DAB1: variants seen among roughly 807,000 people sequenced by gnomAD.
DAB1 encodes DAB adaptor protein 1.
Under a neutral mutation model 64.6 loss-of-function variants are expected in DAB1, and 15 were observed. The observed-to-expected ratio is 0.23, with a 90% CI of 0.16 to 0.36. The LOEUF is 0.36. DAB1 is among the 10% of genes least tolerant of loss of function. The pLI is 1.00. For synonymous variants in DAB1, 235 were observed against 251.9 expected, an observed-to-expected ratio of 0.93 and a Z score of 0.64; for missense variants, 596 against 706.7, an observed-to-expected ratio of 0.84 and a Z score of 1.78.
intron 7 of DAB1, among the ~76,000 whole-genome samples, chr1:57,570,169 A>G (rs1645177638): frequency 6.6e-6 from 1 of 152,174 alleles, no homozygotes; most frequent in Admixed American, 6.5e-5. Flanking sequence ...CAATCTAATC[A>G]GCTGCCAGCG....
At chr1:57,294,512 C>T (rs1370193005) in intron 1 of DAB1, among the ~76,000 whole-genome samples, 2 of 151,666 alleles carry the variant, frequency 1.3e-5, no homozygotes, top group African/African-American at 2.4e-5. Context: ...TACAACAGAA[C>T]AAACACACAC....
At chr1:57,125,820 A>G (rs1057335516) in intron 4 of DAB1, among the ~76,000 whole-genome samples, 5 of 152,140 alleles carry the variant, frequency 3.3e-5, no homozygotes, top group African/African-American at 1.2e-4. Flanking sequence ...TGGAGATGCC[A>G]TTTTCTGTCT....
intron 7 of DAB1, among the ~76,000 whole-genome samples, chr1:57,588,336 A>G (rs1047367498): frequency 9.9e-5 from 15 of 152,246 alleles, no homozygotes; most frequent in African/African-American, 3.6e-4. Context: ...TTCTGTTCTC[A>G]GCACTGATAA....
chr1:58,255,118 T>C (rs1476411920), intron 4 of DAB1, among the ~76,000 whole-genome samples: 3 of 133,616 alleles, frequency 2.2e-5, no homozygotes, highest in Admixed American at 7.9e-5. Flanking sequence ...TGATATCTCA[T>C]AGTGGTTTTG....
rs533039247 is a variant in DAB1 at position 57,853,655 on chromosome 1, A to G, written n.88-27200T>C. The stretch of plus-strand genomic sequence containing the variant: ...ATGGATCAATTTTGTCTCAATATGA[A>G]ACATTTCTTAAAGTTCCAAATTGTC... On this transcript the variant is annotated intron_variant and non_coding_transcript_variant, in intron 1 of 1. Transcript: ENST00000477280. 2.6e-5 allele frequency among the ~76,000 whole-genome samples: 4 copies of G among 152,346 alleles called. No homozygotes were observed. The South Asian group carries it at 8.3e-4, about 32-fold the overall frequency.
At chr1:57,836,844 T>C (rs1385509625) in intron 1 of DAB1, among the ~76,000 whole-genome samples, 1 of 152,226 alleles carries the variant, frequency 6.6e-6, no homozygotes, top group East Asian at 1.9e-4. Flanking sequence ...CCCTGATCTG[T>C]GGCATACAGT....
At chr1:57,696,810 A>G (rs1215254317) in intron 6 of DAB1, among the ~76,000 whole-genome samples, 1 of 152,072 alleles carries the variant, frequency 6.6e-6, no homozygotes, top group African/African-American at 2.4e-5. Flanking sequence ...TTCCTTTCAT[A>G]TCATCCTGGA....
chr1:58,080,280 A>T (rs966631332), intron 5 of DAB1: 1 of 152,174 alleles, frequency 6.6e-6, no homozygotes, highest in African/African-American at 2.4e-5. Context: ...CTTAATCAAG[A>T]TTCTGAGAGT....
At chr1:57,006,385 G>A (rs941976315) in intron 14 of DAB1, among the ~76,000 whole-genome samples, 3 of 152,212 alleles carry the variant, frequency 2.0e-5, no homozygotes, top group African/African-American at 7.2e-5. Flanking sequence ...TTAGCACAGT[G>A]ACTGGCACCA....
intron 7 of DAB1, among the ~76,000 whole-genome samples, chr1:57,553,507 A>AGGAAGGAG (rs1644951683): frequency 1.4e-5 from 2 of 147,434 alleles, no homozygotes; most frequent in African/African-American, 5.0e-5. Flanking sequence ...GAAGGAAGGA[A>AGGAAGGAG]GAGAGAGAGA....
chr1:58,229,684 G>C (rs1190297616), intron 4 of DAB1, among the ~76,000 whole-genome samples: 1 of 152,128 alleles, frequency 6.6e-6, no homozygotes, highest in African/African-American at 2.4e-5. Flanking sequence ...GGGGTCATGG[G>C]GGGCATTTGA....
At chr1:57,754,240 A>T (rs1402696002) in intron 6 of DAB1, among the ~76,000 whole-genome samples, 1 of 152,232 alleles carries the variant, frequency 6.6e-6, no homozygotes, top group East Asian at 1.9e-4. Flanking sequence ...TGGGCATTAT[A>T]TGCCTGGCCC....
In DAB1 at chr1:57,912,395, C is replaced by T. The variant is rs113959835; in HGVS notation, n.388-28233G>A. Among the ~76,000 whole-genome samples the T allele has an allele frequency of 2.3e-3, 344 of 152,232 alleles. 4 individuals are homozygous for T. Among genetic ancestry groups the T allele is most frequent in the African/African-American group, 7.9e-3 (330 of 41,528 alleles). On this transcript the variant is annotated intron_variant and non_coding_transcript_variant, in intron 5 of 20. Transcript: ENST00000485760. ...GGTGCTCAAAAATGTCTGTTGAGCC[C>T]TTCATGCTAAAAACTCTCAATAAAT...
At chr1:57,224,875 C>T (rs1352868027) in intron 2 of DAB1, among the ~76,000 whole-genome samples, 1 of 152,194 alleles carries the variant, frequency 6.6e-6, no homozygotes, top group African/African-American at 2.4e-5. Flanking sequence ...GCCAGGCCCC[C>T]AGACCTCTGA....
chr1:57,245,674 T>C (rs995406130), intron 2 of DAB1, among the ~76,000 whole-genome samples: 5 of 152,354 alleles, frequency 3.3e-5, no homozygotes, highest in Middle Eastern at 3.4e-3. Flanking sequence ...CTTAATCCAG[T>C]CTATCATTGT....
chr1:57,362,835 A>G (rs1413263078), intron 1 of DAB1, among the ~76,000 whole-genome samples: 1 of 152,144 alleles, frequency 6.6e-6, no homozygotes, highest in African/African-American at 2.4e-5. Context: ...AAACACACAC[A>G]TGCATGCACT....
At chr1:57,523,758 C>A (rs1344998758) in intron 7 of DAB1, among the ~76,000 whole-genome samples, 3 of 151,854 alleles carry the variant, frequency 2.0e-5, no homozygotes, top group Non-Finnish European at 2.9e-5. Context: ...CTCATCTCTA[C>A]CAAAAATACA....
intron 1 of DAB1, among the ~76,000 whole-genome samples, chr1:57,411,602 C>T (rs1488211856): frequency 1.3e-5 from 2 of 152,216 alleles, no homozygotes; most frequent in African/African-American, 4.8e-5. Flanking sequence ...CTTCTCTCTC[C>T]ATAGGAAACC....
At chr1:57,405,589 C>T (rs528653875) in intron 1 of DAB1, among the ~76,000 whole-genome samples, 12 of 152,304 alleles carry the variant, frequency 7.9e-5, no homozygotes, top group Admixed American at 2.6e-4. Context: ...GGATTTCACA[C>T]GAAAACAAGA....
Sources: allele counts gnomAD v4.1 joint callset (sites outside exome capture counted in the v4.1 genomes callset), GRCh38; gene constraint gnomAD v4.1.1; transcripts MANE v1.5; gene names NCBI Gene and HGNC (gene_info 2026-07-23, HGNC 2026-07-21).